GINS1: variants seen among roughly 807,000 people sequenced by gnomAD.
The protein encoded by GINS1 is DNA replication complex GINS protein PSF1.
Under a neutral mutation model 34.9 loss-of-function variants are expected in GINS1, and 26 were observed. The observed-to-expected ratio is 0.74, with a 90% confidence interval of 0.55 to 1.03. GINS1 has a LOEUF of 1.03. GINS1 is among the 50% of genes least tolerant of loss of function. GINS1 has a pLI of 0.00. For synonymous variants in GINS1, 97 were observed against 84.4 expected, an observed-to-expected ratio of 1.15 and a Z score of -0.82; for missense variants, 235 against 237.9, an observed-to-expected ratio of 0.99 and a Z score of 0.08.
intron 1 of GINS1, 24 bp downstream of exon 1, chr20:25,407,919 G>T (rs1232789317): frequency 1.3e-6 from 2 of 1,580,300 alleles, no homozygotes; most frequent in Non-Finnish European, 1.7e-6. Flanking sequence ...AGACTTGGAC[G>T]GGGCATGCCG....
chr20:25,429,028 G>A (rs1371554560), intron 5 of GINS1, among the ~76,000 whole-genome samples: 6 of 122,720 alleles, frequency 4.9e-5, no homozygotes, highest in South Asian at 2.8e-4. Context: ...TTGCTCTGTC[G>A]CCCAGGCTGG....
intron 5 of GINS1, among the ~76,000 whole-genome samples, chr20:25,427,008 G>A (rs2090395138): frequency 1.3e-5 from 2 of 151,742 alleles, no homozygotes; most frequent in African/African-American, 4.8e-5. Flanking sequence ...TAATTTTGGG[G>A]GGCATATATC....
chr20:25,412,919 ATAT>A (rs573405253), intron 1 of GINS1, among the ~76,000 whole-genome samples: 48 of 152,280 alleles, frequency 3.2e-4, no homozygotes, highest in African/African-American at 1.0e-3. Flanking sequence ...ACTACAGATG[ATAT>A]TATTCTTTTT....
intron 4 of GINS1, among the ~76,000 whole-genome samples, chr20:25,420,625 C>G (rs1221352333): frequency 6.6e-6 from 1 of 151,500 alleles, no homozygotes; most frequent in Non-Finnish European, 1.5e-5. Flanking sequence ...ACTAAAAATA[C>G]AAAGATTAGC....
At chr20:25,432,195 T>G (rs2090430805) in intron 5 of GINS1, among the ~76,000 whole-genome samples, 1 of 152,188 alleles carries the variant, frequency 6.6e-6, no homozygotes, top group Non-Finnish European at 1.5e-5. Context: ...TATTTTTTAA[T>G]GTAGGTGTTT....
chr20:25,445,856 G>T (rs761659917), intron 6 of GINS1, 67 bp from the exon 7 acceptor site: 2 of 1,009,102 alleles, frequency 2.0e-6, no homozygotes, highest in Non-Finnish European at 3.1e-6. Context: ...AATGATACAA[G>T]AAATAATTTC....
Position 25,407,745 on chromosome 20 carries a change from G to C in GINS1, c.-76G>C. Reference sequence around the variant, plus strand: ...TGTAGGACTAGAACGAAAGGAGTGAGGCGCCGAGAGCCCAGATACCATTTT... The same window carrying C: ...TGTAGGACTAGAACGAAAGGAGTGACGCGCCGAGAGCCCAGATACCATTTT... On this transcript the variant is annotated 5_prime_UTR_variant, in exon 1 of 7. Transcript: ENST00000262460. 9.0e-7 allele frequency: 1 copy of C among 1,112,882 alleles called. No homozygotes were observed. Among genetic ancestry groups the C allele is most frequent in the East Asian group, 2.4e-5 (1 of 41,044 alleles). The allele number at this position is 1,112,882 out of a possible 1,614,324, so 68.9% of individuals were successfully genotyped here.
intron 5 of GINS1, among the ~76,000 whole-genome samples, chr20:25,427,077 T>C (rs1382691347): frequency 6.6e-6 from 1 of 152,174 alleles, no homozygotes; most frequent in Admixed American, 6.5e-5. Context: ...TCATACTGCT[T>C]TCCACAGCAG....
At chr20:25,410,123 C>T (rs1350934932) in intron 1 of GINS1, among the ~76,000 whole-genome samples, 1 of 152,074 alleles carries the variant, frequency 6.6e-6, no homozygotes, top group African/African-American at 2.4e-5. Flanking sequence ...GGGCGGATTA[C>T]AGGGTCCTGA....
At chr20:25,445,868 A>G in intron 6 of GINS1, 55 bp from the exon 7 acceptor site, 7 of 1,094,824 alleles carry the variant, frequency 6.4e-6, no homozygotes, top group Non-Finnish European at 9.6e-6. Context: ...AATAATTTCA[A>G]ATTCTTTCCC....
intron 5 of GINS1, among the ~76,000 whole-genome samples, chr20:25,430,162 T>G (rs1347207024): frequency 6.6e-6 from 1 of 152,190 alleles, no homozygotes; most frequent in Non-Finnish European, 1.5e-5. Flanking sequence ...CCACCCGCCT[T>G]GGCCTCCCAA....
intron 5 of GINS1, among the ~76,000 whole-genome samples, chr20:25,426,633 C>T (rs2090392533): frequency 6.6e-6 from 1 of 151,812 alleles, no homozygotes; most frequent in Non-Finnish European, 1.5e-5. Flanking sequence ...TCAAGTGATT[C>T]TCTGGCCTCA....
chr20:25,438,100 C>T (rs1345587047), intron 5 of GINS1, among the ~76,000 whole-genome samples: 1 of 110,484 alleles, frequency 9.1e-6, no homozygotes, highest in African/African-American at 3.5e-5. Context: ...GCCTGGGCAA[C>T]AAGAGCAAAA....
At position 25,445,795 on chromosome 20, in the gene GINS1, C is replaced by T. The variant is rs1186459470; in HGVS notation, c.523-128C>T. 3 of 639,588 alleles carry T rather than the reference C, an allele frequency of 4.7e-6. No individual in the cohort carries two copies. The East Asian group carries it at 8.4e-5, about 18-fold the overall frequency. The allele number at this position is 639,588 out of a possible 1,614,324, so 39.6% of individuals were successfully genotyped here. ...ACCGTACCCAGCCCCTTAAGTTTAA[C>T]TTTCAACTACTTACTTGTTGGAGTT... On this transcript the variant is annotated intron_variant, in intron 6 of 6. Coordinates refer to ENST00000262460, the MANE Select transcript of GINS1 (RefSeq NM_021067.5).
Position 25,407,766 on chromosome 20 carries a change from A to T in GINS1, c.-55A>T. On this transcript the variant is annotated 5_prime_UTR_variant, in exon 1 of 7. Transcript: ENST00000262460. The stretch of plus-strand genomic sequence containing the variant: ...GTGAGGCGCCGAGAGCCCAGATACC[A>T]TTTTGGCGTGAGAGCTGGTGGTTGG... 1.4e-6 allele frequency: 2 copies of T among 1,379,858 alleles called. No individual in the cohort carries two copies. 85.5% of individuals were successfully genotyped at this position (1,379,858 alleles called of 1,614,324 possible).
rs2090523546 is a variant in GINS1 at position 25,448,228 on chromosome 20, C to CTGT, written c.*2240_*2242dup. The CTGT allele has an allele frequency of 1.3e-5, 2 of 152,186 alleles. No homozygotes were observed. The highest frequency in any genetic ancestry group is 1.3e-4 in the Admixed American group (2 of 15,274). 9.4% of individuals were successfully genotyped at this position (152,186 alleles called of 1,614,324 possible). ...GAGATTGCATTGAATTTATATAAAA[C>CTGT]TGTTGGGAGAATTGACATCTTAATA... On this transcript the variant is annotated 3_prime_UTR_variant, in exon 7 of 7. Coordinates refer to ENST00000262460, the MANE Select transcript of GINS1 (RefSeq NM_021067.5).
chr20:25,432,438 G>T (rs1037927299), intron 5 of GINS1, among the ~76,000 whole-genome samples: 4 of 151,644 alleles, frequency 2.6e-5, no homozygotes, highest in African/African-American at 9.7e-5. Context: ...AAGTGGCTGG[G>T]ATTATAGGAG....
At position 25,448,055 on chromosome 20, in the gene GINS1, CCA is replaced by C. The variant is rs1442277890; in HGVS notation, c.*2065_*2066del. The C allele has an allele frequency of 2.0e-5, 3 of 152,182 alleles. No homozygotes were observed. Among genetic ancestry groups the C allele is most frequent in the African/African-American group, 7.2e-5 (3 of 41,418 alleles). The allele number at this position is 152,182 out of a possible 1,614,324, so 9.4% of individuals were successfully genotyped here. Reference sequence around the variant, plus strand: ...CTGAGGTGGGAGGATCACTTGAACCCCAGAGGTCAAGACTGCAGTGAGCTGAG... The same window carrying C: ...CTGAGGTGGGAGGATCACTTGAACCCGAGGTCAAGACTGCAGTGAGCTGAG... On this transcript the variant is annotated 3_prime_UTR_variant, in exon 7 of 7. Coordinates refer to ENST00000262460, the MANE Select transcript of GINS1 (RefSeq NM_021067.5).
intron 4 of GINS1, chr20:25,419,947 A>G (rs549477967): frequency 6.6e-6 from 1 of 152,498 alleles, no homozygotes; most frequent in Non-Finnish European, 1.5e-5. Context: ...GGTGTGAGCC[A>G]CAGCGCCTGG....
Sources: allele counts gnomAD v4.1 joint callset (sites outside exome capture counted in the v4.1 genomes callset), GRCh38; gene constraint gnomAD v4.1.1; transcripts MANE v1.5; gene names NCBI Gene and HGNC (gene_info 2026-07-23, HGNC 2026-07-21).